FHIT: variants seen among roughly 807,000 people sequenced by gnomAD.
FHIT encodes fragile histidine triad diadenosine triphosphatase.
FHIT carries 19 observed loss-of-function variants against 17.9 expected under a neutral mutation model. The ratio of observed to expected loss-of-function variants is 1.06; its 90% confidence interval spans 0.74 to 1.56. The LOEUF (loss-of-function observed/expected upper bound fraction) is 1.56. Among genes scored for constraint, FHIT ranks in the 40% most tolerant of loss-of-function variants. The pLI is 0.00. For missense variants in FHIT, 248 were observed against 189.2 expected, an observed-to-expected ratio of 1.31 and a Z score of -1.82; for synonymous variants, 81 against 69.7, an observed-to-expected ratio of 1.16 and a Z score of -0.81.
At chr3:60,403,800 A>C (rs1701752244) in intron 5 of FHIT, among the ~76,000 whole-genome samples, 1 of 152,186 alleles carries the variant, frequency 6.6e-6, no homozygotes, top group Admixed American at 6.5e-5. Flanking sequence ...AAAATTGGAC[A>C]ATTTCCCCTG....
At chr3:60,085,606 G>T (rs904582728) in intron 5 of FHIT, among the ~76,000 whole-genome samples, 2 of 152,244 alleles carry the variant, frequency 1.3e-5, no homozygotes, top group East Asian at 1.9e-4. Flanking sequence ...AATGCCACTT[G>T]TTGTCATTTC....
intron 5 of FHIT, among the ~76,000 whole-genome samples, chr3:60,493,513 A>G (rs2034154850): frequency 6.6e-6 from 1 of 152,228 alleles, no homozygotes; most frequent in African/African-American, 2.4e-5. Context: ...TGGGGAATAT[A>G]TAAGCTGCAA....
chr3:60,133,407 G>A (rs1434431766), intron 5 of FHIT, among the ~76,000 whole-genome samples: 1 of 152,114 alleles, frequency 6.6e-6, no homozygotes, highest in Non-Finnish European at 1.5e-5. Context: ...TGCCTGGAGG[G>A]GTAGAGCAGG....
chr3:60,187,689 T>C (rs1702216123), intron 5 of FHIT, among the ~76,000 whole-genome samples: 1 of 152,132 alleles, frequency 6.6e-6, no homozygotes, highest in African/African-American at 2.4e-5. Context: ...ATTGTCCTAT[T>C]TCAATACAAA....
chr3:60,432,531 G>C (rs1293429525), intron 5 of FHIT, among the ~76,000 whole-genome samples: 3 of 152,026 alleles, frequency 2.0e-5, no homozygotes, highest in Admixed American at 2.0e-4. Context: ...TCTTAACACA[G>C]AGGTTCTTTT....
intron 2 of FHIT, among the ~76,000 whole-genome samples, chr3:61,049,728 T>G (rs2033955674): frequency 6.6e-6 from 1 of 152,176 alleles, no homozygotes; most frequent in Non-Finnish European, 1.5e-5. Context: ...CATGCTTTCC[T>G]AAAATATGAC....
intron 5 of FHIT, among the ~76,000 whole-genome samples, chr3:60,164,431 A>T (rs1701068478): frequency 6.6e-6 from 1 of 152,194 alleles, no homozygotes; most frequent in Non-Finnish European, 1.5e-5. Context: ...CCACGACCTG[A>T]CATCTTTGCC....
intron 8 of FHIT, among the ~76,000 whole-genome samples, chr3:59,764,771 C>A (rs1701705853): frequency 6.6e-6 from 1 of 151,762 alleles, no homozygotes; most frequent in African/African-American, 2.4e-5. Flanking sequence ...CTGAGATTTC[C>A]TTGTTATGAG....
chr3:61,072,413 TGGG>T (rs1423720196), intron 2 of FHIT, among the ~76,000 whole-genome samples: 1 of 152,122 alleles, frequency 6.6e-6, no homozygotes, highest in Non-Finnish European at 1.5e-5. Context: ...AATCACCAAG[TGGG>T]ACAATTGTTG....
Position 60,764,518 on chromosome 3 carries a change from C to T in FHIT, c.-18+57401G>A, listed in dbSNP as rs1176245678. On this transcript the variant is annotated intron_variant, in intron 4 of 9. Transcript: ENST00000492590. The stretch of plus-strand genomic sequence containing the variant: ...TGCTATTAAGCAGTGGCAATGTAAA[C>T]CTGGGGTAGCAAAGAGCAATACCCA... 3.3e-5 allele frequency among the ~76,000 whole-genome samples: 5 copies of T among 152,060 alleles called. No individual in the cohort carries two copies. In the East Asian group the frequency reaches 7.7e-4, roughly 23 times the overall value.
intron 5 of FHIT, among the ~76,000 whole-genome samples, chr3:60,148,219 A>G (rs1356280110): frequency 6.6e-6 from 1 of 152,234 alleles, no homozygotes; most frequent in Non-Finnish European, 1.5e-5. Flanking sequence ...TCAGTGTTAT[A>G]CATTACACAT....
chr3:60,249,494 G>A (rs1705576737), intron 5 of FHIT, among the ~76,000 whole-genome samples: 1 of 151,982 alleles, frequency 6.6e-6, no homozygotes, highest in African/African-American at 2.4e-5. Flanking sequence ...GATTGGCTCA[G>A]GGGATGAGTG....
At chr3:61,030,359 A>G (rs955906440) in intron 3 of FHIT, among the ~76,000 whole-genome samples, 2 of 152,204 alleles carry the variant, frequency 1.3e-5, no homozygotes, top group Non-Finnish European at 2.9e-5. Context: ...TTCATTCAAT[A>G]CGTTTGCGAG....
At chr3:59,986,732 A>ATATATT (rs1708961873) in intron 7 of FHIT, among the ~76,000 whole-genome samples, 1 of 5,328 alleles carries the variant, frequency 1.9e-4, no homozygotes, top group Non-Finnish European at 4.8e-4. Context: ...ATTTATATAA[A>ATATATT]TATATACATA....
chr3:60,652,399 C>T (rs958683706), intron 4 of FHIT, among the ~76,000 whole-genome samples: 4 of 151,926 alleles, frequency 2.6e-5, no homozygotes, highest in East Asian at 1.9e-4. Flanking sequence ...GTTGGGAGTT[C>T]GAGACCAGCC....
chr3:59,836,335 C>A (rs900798500), intron 8 of FHIT, among the ~76,000 whole-genome samples: 2 of 152,142 alleles, frequency 1.3e-5, no homozygotes, highest in African/African-American at 4.8e-5. Context: ...GCCACACTAT[C>A]CCTTCAAACG....
At position 60,526,309 on chromosome 3, in the gene FHIT, A is replaced by T. The variant is rs527482933; in HGVS notation, c.103+10551T>A. On this transcript the variant is annotated intron_variant, in intron 5 of 9. Coordinates refer to ENST00000492590, the MANE Select transcript of FHIT (RefSeq NM_002012.4). ...GTCTCGCCCCCGTTTGTTTCTGAGG[A>T]TCCATTTACAAAAGGACAGCCATGT... Among the ~76,000 whole-genome samples the T allele has an allele frequency of 2.0e-5, 3 of 152,132 alleles. No homozygotes were observed. In the South Asian group the frequency reaches 6.2e-4, roughly 32 times the overall value.
chr3:60,142,730 C>T (rs1282473489), intron 5 of FHIT, among the ~76,000 whole-genome samples: 2 of 150,562 alleles, frequency 1.3e-5, no homozygotes, highest in African/African-American at 4.9e-5. Context: ...CACTATGTTG[C>T]CCAGGCTGGT....
At chr3:60,158,513 T>C (rs1305673898) in intron 5 of FHIT, among the ~76,000 whole-genome samples, 2 of 152,106 alleles carry the variant, frequency 1.3e-5, no homozygotes, top group African/African-American at 4.8e-5. Context: ...GGTTTCACCA[T>C]GTTGGCCAGG....
Sources: gnomAD v4.1 joint callset for allele counts (sites outside exome capture counted in the v4.1 genomes callset) on GRCh38, gnomAD v4.1.1 for gene constraint, MANE v1.5 for transcripts, NCBI Gene and HGNC (gene_info 2026-07-23, HGNC 2026-07-21) for gene names.